Variants in PCDHGA2 observed in about 807,000 individuals in gnomAD.
PCDHGA2 encodes protocadherin gamma-A2.
In PCDHGA2, 40 loss-of-function variants were observed where a neutral mutation model predicts 59.2. The observed-to-expected ratio is 0.68, with a 90% CI of 0.52 to 0.88. The LOEUF (loss-of-function observed/expected upper bound fraction) is 0.88. Among genes scored for constraint, PCDHGA2 ranks in the 40% least tolerant of loss-of-function variants. The probability of loss-of-function intolerance (pLI) is 0.00; values close to 1 mark genes in which losing one functional copy is unlikely to be tolerated. For synonymous variants in PCDHGA2, 560 were observed against 526.0 expected (o/e 1.06, Z -0.89); for missense variants, 1,226 against 1,204.0 (o/e 1.02, Z -0.27).
intron 1 of PCDHGA2, among the ~76,000 whole-genome samples, chr5:141,381,834 T>TTCTTC (rs1561589417): frequency 7.1e-6 from 1 of 140,214 alleles, no homozygotes; most frequent in African/African-American, 2.7e-5. Flanking sequence ...TTCTTTTTTT[T>TTCTTC]TTTTTTTTTT....
chr5:141,360,594 A>T (rs1375239245), intron 1 of PCDHGA2: 2 of 1,614,032 alleles, frequency 1.2e-6, no homozygotes, highest in Admixed American at 3.3e-5. Flanking sequence ...CAACATTTCC[A>T]CTTGACCCAG....
At position 141,493,774 on chromosome 5, in the gene PCDHGA2, C is replaced by T. The variant is rs2099749996; in HGVS notation, c.2425-1033C>T. On this transcript the variant is annotated intron_variant, in intron 1 of 3. Coordinates refer to ENST00000394576, the MANE Select transcript of PCDHGA2 (RefSeq NM_018915.4). The surrounding 1 kb of genome is among the most constrained non-coding windows in gnomAD (Gnocchi z 4.3). ...GCCTTGAGTGAGCCACTGGCAGTTC[C>T]GGAGCTTCCTTCTCCCTGGAGTAAT... Among the ~76,000 whole-genome samples, 1 of 152,258 alleles carries T rather than the reference C, an allele frequency of 6.6e-6. No homozygotes were observed. The highest frequency in any genetic ancestry group is 1.9e-4 in the East Asian group (1 of 5,176).
chr5:141,370,186 G>A (rs1032273618), intron 1 of PCDHGA2: 2 of 508,450 alleles, frequency 3.9e-6, no homozygotes, highest in Non-Finnish European at 6.8e-6. Flanking sequence ...GCCGCTCTTG[G>A]CTAGTGCTGT....
intron 1 of PCDHGA2, chr5:141,383,969 C>G (rs981868963): frequency 6.2e-7 from 1 of 1,613,732 alleles, no homozygotes; most frequent in Non-Finnish European, 8.5e-7. Context: ...AGCTCAATCC[C>G]TGAAGACACA....
rs778323048 is a variant in PCDHGA2, at chr5:141,357,701, A to G, written c.2424+16306A>G. ...GTAAATGTCTCTCATTTTATATGTA[A>G]TATATCAAATAAAGTTGCCTCTTTT... On this transcript the variant is annotated intron_variant, in intron 1 of 3. Transcript: ENST00000394576. 15 of 1,500,732 alleles carry G rather than the reference A, an allele frequency of 1.0e-5. No homozygotes were observed. The East Asian group carries it at 3.3e-4, about 33-fold the overall frequency. The allele number at this position is 1,500,732 out of a possible 1,614,324, so 93.0% of individuals were successfully genotyped here. A position where few individuals can be genotyped will look rare whatever the true frequency, so the allele number is the denominator to read the frequency against.
In PCDHGA2 at chr5:141,485,068, T is replaced by C; in HGVS notation, c.2425-9739T>C. On this transcript the variant is annotated intron_variant, in intron 1 of 3. Transcript: ENST00000394576. The surrounding 1 kb of genome is among the most constrained non-coding windows in gnomAD (Gnocchi z 5.7). ...GGCGCCGGCCGAACCGCGCCAGAGCTGGCGCGGGGAAAGGGAGATAGGTGT... is the reference window on the plus strand; with the variant it reads ...GGCGCCGGCCGAACCGCGCCAGAGCCGGCGCGGGGAAAGGGAGATAGGTGT... 1 of 896,972 alleles carries C rather than the reference T, an allele frequency of 1.1e-6. No homozygotes were observed. The highest frequency in any genetic ancestry group is 1.6e-5 in the South Asian group (1 of 61,812). The allele number at this position is 896,972 out of a possible 1,614,324, so 55.6% of individuals were successfully genotyped here. A position where few individuals can be genotyped will look rare whatever the true frequency, so the allele number is the denominator to read the frequency against.
In PCDHGA2 at chr5:141,340,796, C is replaced by G. The variant is rs1229186168; in HGVS notation, c.1825C>G (p.Leu609Val). Residue 609 changes from leucine (L) to valine (V), a missense_variant, in exon 1 of 4, where the codon CTC becomes GTC. By Grantham distance (32) the Leu-to-Val change is conservative. Transcript: ENST00000394576. Reference sequence around the variant, plus strand: ...GAACGCCTGGCTGTCTTACCACCTGCTCAAGGCCAGCGAGCCGGGACTCTT... The same window carrying G: ...GAACGCCTGGCTGTCTTACCACCTGGTCAAGGCCAGCGAGCCGGGACTCTT... ...GQNAWLSYHL[L>V]KASEPGLFSV... 6.2e-7 allele frequency: 1 copy of G among 1,613,768 alleles called. No homozygotes were observed. Among genetic ancestry groups the G allele is most frequent in the Non-Finnish European group, 8.5e-7 (1 of 1,180,030 alleles).
At chr5:141,395,135 C>A (rs2093181761) in intron 1 of PCDHGA2, 3 of 1,614,104 alleles carry the variant, frequency 1.9e-6, no homozygotes, top group Non-Finnish European at 2.5e-6. Flanking sequence ...CCCAGCCCAA[C>A]TACGCAGACA....
At chr5:141,419,378 G>A in intron 1 of PCDHGA2, 3 of 1,613,710 alleles carry the variant, frequency 1.9e-6, no homozygotes, top group Non-Finnish European at 2.5e-6. Context: ...CTACGTGTCC[G>A]TGAGCGCGCA....
intron 1 of PCDHGA2, among the ~76,000 whole-genome samples, chr5:141,450,006 CTTTTT>C (rs1554136305): frequency 1.5e-5 from 2 of 132,980 alleles, no homozygotes; most frequent in African/African-American, 2.8e-5. Flanking sequence ...TGCCATGTCT[CTTTTT>C]TTTTTTTTTT....
intron 1 of PCDHGA2, chr5:141,411,291 C>G (rs2095478163): frequency 6.6e-6 from 1 of 152,158 alleles, no homozygotes; most frequent in South Asian, 2.1e-4. Context: ...ATTCAGAAGA[C>G]AGGCCCAGTG....
At chr5:141,453,311 A>C (rs2098762053) in intron 1 of PCDHGA2, among the ~76,000 whole-genome samples, 1 of 151,602 alleles carries the variant, frequency 6.6e-6, no homozygotes, top group African/African-American at 2.4e-5. Flanking sequence ...TTATTTATTT[A>C]TTTTAGAGAT....
intron 1 of PCDHGA2, chr5:141,393,190 T>C: frequency 6.2e-7 from 1 of 1,613,384 alleles, no homozygotes; most frequent in Non-Finnish European, 8.5e-7. Flanking sequence ...ATAATTGATA[T>C]TAACGATAAT....
At position 141,345,707 on chromosome 5, in the gene PCDHGA2, C is replaced by A. The variant is rs200612120; in HGVS notation, c.2424+4312C>A. On this transcript the variant is annotated intron_variant, in intron 1 of 3. Transcript: ENST00000394576. Reference sequence around the variant, plus strand: ...TGTTCGTGCTGGACCAGAACGACAACGCGCCCGAGATCCTGTACCCCGCCC... The same window carrying A: ...TGTTCGTGCTGGACCAGAACGACAAAGCGCCCGAGATCCTGTACCCCGCCC... 5.0e-6 allele frequency: 8 copies of A among 1,614,116 alleles called. No individual in the cohort carries two copies. In the African/African-American group the frequency reaches 8.0e-5, roughly 16 times the overall value.
intron 1 of PCDHGA2, chr5:141,371,174 C>A: frequency 6.2e-7 from 1 of 1,613,994 alleles, no homozygotes; most frequent in South Asian, 1.1e-5. Context: ...CTGGCTCCTC[C>A]GTATTAAAAG....
intron 1 of PCDHGA2, among the ~76,000 whole-genome samples, chr5:141,444,402 C>A (rs916833331): frequency 6.6e-6 from 1 of 151,932 alleles, no homozygotes; most frequent in Admixed American, 6.6e-5. Flanking sequence ...AACTCCCAAC[C>A]TCAGGTGATC....
chr5:141,470,972 C>T (rs1186771156), intron 1 of PCDHGA2, among the ~76,000 whole-genome samples: 3 of 151,988 alleles, frequency 2.0e-5, no homozygotes, highest in Non-Finnish European at 4.4e-5. Flanking sequence ...CCACCTCAGC[C>T]TCCCAAAGTG....
chr5:141,418,430 T>G (rs1331082135), intron 1 of PCDHGA2: 1 of 1,613,908 alleles, frequency 6.2e-7, no homozygotes, highest in South Asian at 1.1e-5. Flanking sequence ...TGGTGGCAAA[T>G]ATCCAGAATT....
At chr5:141,355,575 T>C in intron 1 of PCDHGA2, 1 of 1,614,004 alleles carries the variant, frequency 6.2e-7, no homozygotes, top group East Asian at 2.2e-5. Flanking sequence ...AAATAATCGA[T>C]GTTAATGATA....
Sources: gnomAD v4.1 joint callset for allele counts (sites outside exome capture counted in the v4.1 genomes callset) on GRCh38, gnomAD v4.1.1 for gene constraint, Gnocchi (gnomAD v3.1) non-coding constraint, MANE v1.5 for transcripts, NCBI Gene and HGNC (gene_info 2026-07-23, HGNC 2026-07-21) for gene names.